The following SPHKAP variants were observed in gnomAD, a reference collection of about 807,000 sequenced individuals.
The protein encoded by SPHKAP is A-kinase anchor protein SPHKAP.
Under a neutral mutation model 137.5 loss-of-function variants are expected in SPHKAP, and 67 were observed. That is an observed-to-expected ratio of 0.49 (90% CI 0.40 to 0.60). The LOEUF (loss-of-function observed/expected upper bound fraction) is 0.60. Ranked by LOEUF, SPHKAP falls within the 20% of genes least tolerant of loss-of-function variation. The probability of loss-of-function intolerance (pLI) is 0.00; values close to 1 mark genes in which losing one functional copy is unlikely to be tolerated. For missense variants in SPHKAP, 2,097 were observed against 2,069.3 expected (o/e 1.01, Z -0.26); for synonymous variants, 813 against 785.3 (o/e 1.04, Z -0.59).
rs759621752 is a variant in SPHKAP, at chr2:227,981,799, G to A, written c.5021C>T (p.Ala1674Val). The change falls in exon 12 of 12, where the codon GCA becomes GTA. Residue 1674 changes from alanine to valine, a missense_variant. Physicochemically the swap from Ala to Val is moderately conservative, Grantham distance 64. Coordinates refer to ENST00000392056, the MANE Select transcript of SPHKAP (RefSeq NM_001142644.2). Reference protein sequence around the residue: ...KSWKVGDIFHAVVQYCKMHEE... With the variant: ...KSWKVGDIFHVVVQYCKMHEE... ...ATGCATTTTGCAGTACTGGACAACT[G>A]CATGGAAGATATCACCCACTTTCCA... The A allele has an allele frequency of 3.7e-6, 6 of 1,613,624 alleles. No homozygotes were observed. The East Asian group carries it at 1.3e-4, about 36-fold the overall frequency.
At chr2:228,107,299 C>A (rs755332341) in intron 3 of SPHKAP, among the ~76,000 whole-genome samples, 1 of 152,070 alleles carries the variant, frequency 6.6e-6, no homozygotes, top group Non-Finnish European at 1.5e-5. Context: ...TTTATGAGTT[C>A]AACTTTTTTA....
At chr2:228,045,324 T>A (rs1325105710) in intron 3 of SPHKAP, among the ~76,000 whole-genome samples, 3 of 142,994 alleles carry the variant, frequency 2.1e-5, no homozygotes, top group South Asian at 2.4e-4. Flanking sequence ...CACTATTCAC[T>A]ATAGCAAAGA....
At chr2:228,162,338 A>G (rs1042365233) in intron 1 of SPHKAP, among the ~76,000 whole-genome samples, 1 of 152,222 alleles carries the variant, frequency 6.6e-6, no homozygotes, top group Non-Finnish European at 1.5e-5. Flanking sequence ...AATTTCAGGT[A>G]TCAATTCTGA....
At chr2:228,160,601 A>C (rs535944688) in intron 1 of SPHKAP, among the ~76,000 whole-genome samples, 1 of 152,122 alleles carries the variant, frequency 6.6e-6, no homozygotes, top group Admixed American at 6.6e-5. Flanking sequence ...GATTTAATTA[A>C]CTCCCACCAG....
In SPHKAP at chr2:228,120,520, C is replaced by T. The variant is rs74657152; in HGVS notation, c.138+11460G>A. Among the ~76,000 whole-genome samples the T allele has an allele frequency of 8.1e-4, 124 of 152,246 alleles. 1 individual carries two copies. The East Asian group carries it at 0.013, about 16-fold the overall frequency. ...CTTTGTATGTTACCCTGGGCCAGAA[C>T]GCATCCTAAGATGGCAAGAAATGAC... On this transcript the variant is annotated intron_variant, in intron 2 of 11. Coordinates refer to ENST00000392056, the MANE Select transcript of SPHKAP (RefSeq NM_001142644.2).
chr2:228,064,976 C>T (rs984241244), intron 3 of SPHKAP, among the ~76,000 whole-genome samples: 6 of 152,174 alleles, frequency 3.9e-5, no homozygotes, highest in Admixed American at 6.5e-5. Flanking sequence ...CATTATTTTC[C>T]CACCTTCCCA....
Position 228,001,445 on chromosome 2 carries a change from G to C in SPHKAP, c.4449-5751C>G, listed in dbSNP as rs1406628245. ...TATATACATATATAAATATATATAT[G>C]TATATATACGAATATATACGTATAT... is the stretch of plus-strand genomic sequence containing the variant. On this transcript the variant is annotated intron_variant, in intron 7 of 11. Coordinates refer to ENST00000392056, the MANE Select transcript of SPHKAP (RefSeq NM_001142644.2). 2.3e-5 allele frequency among the ~76,000 whole-genome samples: 3 copies of C among 129,428 alleles called. 1 individual carries two copies. 84.9% of individuals were successfully genotyped at this position (129,428 alleles called of 152,430 possible). A position where few individuals can be genotyped will look rare whatever the true frequency, so the allele number is the denominator to read the frequency against.
intron 3 of SPHKAP, among the ~76,000 whole-genome samples, chr2:228,058,506 C>T (rs756113200): frequency 5.3e-5 from 8 of 152,232 alleles, no homozygotes; most frequent in South Asian, 4.1e-4. Flanking sequence ...TTCCTGAACA[C>T]GCCCAGGGTT....
At chr2:228,111,806 A>G (rs1385055967) in intron 2 of SPHKAP, among the ~76,000 whole-genome samples, 1 of 152,048 alleles carries the variant, frequency 6.6e-6, no homozygotes, top group Non-Finnish European at 1.5e-5. Context: ...CTGACTTTGG[A>G]TGTGAAATTA....
rs189799005 is a variant in SPHKAP at position 228,180,705 on chromosome 2, A to T, written c.32+862T>A. Among the ~76,000 whole-genome samples the T allele has an allele frequency of 8.1e-4, 124 of 152,346 alleles. 2 individuals are homozygous for T. Among genetic ancestry groups the T allele is most frequent in the Admixed American group, 1.4e-3 (22 of 15,310 alleles). On this transcript the variant is annotated intron_variant, in intron 1 of 11. Transcript: ENST00000392056. ...GCGCCCAGCGAGCGCAAAGAGCGCA[A>T]AGGCCACCTGCCCGGCTGGGGGAGC...
rs372150834 is a variant in SPHKAP at position 227,992,618 on chromosome 2, GAAAAC to G, written c.4721+911_4721+915del. ...GGTTTCTCCTTAAAACAAAAGAAAA[GAAAAC>G]AAAACAAAACAAAAAAACAAGATAA... On this transcript the variant is annotated intron_variant, in intron 9 of 11. Transcript: ENST00000392056. Among the ~76,000 whole-genome samples the G allele has an allele frequency of 4.0e-3, 604 of 152,128 alleles. 3 individuals are homozygous for G. The highest frequency in any genetic ancestry group is 0.014 in the African/African-American group (561 of 41,528).
In SPHKAP at chr2:228,006,618, G is replaced by A. The variant is rs201555092; in HGVS notation, c.4448+9788C>T. Among the ~76,000 whole-genome samples, 9 of 152,068 alleles carry A rather than the reference G, an allele frequency of 5.9e-5. No homozygotes were observed. In the East Asian group the frequency reaches 1.7e-3, roughly 29 times the overall value. On this transcript the variant is annotated intron_variant, in intron 7 of 11. Transcript: ENST00000392056. ...TCCTTTGGAGGAGGAGAGGCGCTCT[G>A]ATTTTTAGAATTTTCAGTTTTTCTG...
intron 3 of SPHKAP, among the ~76,000 whole-genome samples, chr2:228,067,223 T>A (rs1696856576): frequency 6.6e-6 from 1 of 152,204 alleles, no homozygotes; most frequent in Non-Finnish European, 1.5e-5. Context: ...GTCTGAACAC[T>A]GCAGAAGTCC....
chr2:228,043,301 A>C (rs1695918454), intron 3 of SPHKAP, among the ~76,000 whole-genome samples: 2 of 152,170 alleles, frequency 1.3e-5, no homozygotes, highest in Admixed American at 6.6e-5. Context: ...TTAAACATTT[A>C]AAAGAGTTAG....
intron 3 of SPHKAP, among the ~76,000 whole-genome samples, chr2:228,079,188 G>A (rs1697279983): frequency 6.6e-6 from 1 of 152,236 alleles, no homozygotes; most frequent in Admixed American, 6.5e-5. Flanking sequence ...CTCATGAAGA[G>A]TGCGCAATCT....
chr2:228,092,195 AC>A (rs1697774256), intron 3 of SPHKAP, among the ~76,000 whole-genome samples: 1 of 134,526 alleles, frequency 7.4e-6, no homozygotes, highest in African/African-American at 2.6e-5. Flanking sequence ...ACATGCATAC[AC>A]ATGCATACAC....
chr2:227,991,244 G>A (rs1693402947), intron 10 of SPHKAP, 30 bp downstream of exon 10: 1 of 1,614,064 alleles, frequency 6.2e-7, no homozygotes, highest in Non-Finnish European at 8.5e-7. Context: ...CCAGGCAATT[G>A]TGTGTCAAAA....
chr2:228,027,437 A>C (rs1379823906), intron 4 of SPHKAP, 47 bp downstream of exon 4: 1 of 1,582,918 alleles, frequency 6.3e-7, no homozygotes, highest in Non-Finnish European at 8.7e-7. Context: ...ATCAAGTTGA[A>C]TAGTCCTTGT....
intron 2 of SPHKAP, among the ~76,000 whole-genome samples, chr2:228,130,298 C>T (rs6436753): frequency 0.25 from 37,663 of 152,078 alleles, 4,811 homozygotes; most frequent in South Asian, 0.43. Flanking sequence ...TGACTGTATG[C>T]TTGCTGATAA....
Sources: gnomAD v4.1 joint callset for allele counts (sites outside exome capture counted in the v4.1 genomes callset) on GRCh38, gnomAD v4.1.1 for gene constraint, MANE v1.5 for transcripts, NCBI Gene and HGNC (gene_info 2026-07-23, HGNC 2026-07-21) for gene names.